The following CTTNBP2NL variants were observed in gnomAD, a reference collection of about 807,000 sequenced individuals.
CTTNBP2NL encodes CTTNBP2 N-terminal like.
CTTNBP2NL carries 16 observed loss-of-function variants against 32.5 expected under a neutral mutation model. The observed-to-expected ratio is 0.49, with a 90% CI of 0.33 to 0.75. CTTNBP2NL has a LOEUF of 0.75. CTTNBP2NL is among the 30% of genes least tolerant of loss of function. The pLI is 0.02. For missense variants in CTTNBP2NL, 645 were observed against 756.0 expected (o/e 0.85, Z 1.72); for synonymous variants, 298 against 289.4 (o/e 1.03, Z -0.30).
intron 1 of CTTNBP2NL, among the ~76,000 whole-genome samples, chr1:112,406,133 G>A (rs888153052): frequency 3.3e-5 from 5 of 151,698 alleles, no homozygotes; most frequent in South Asian, 2.1e-4. Context: ...GCAGTGAGCC[G>A]AGATCGCGCC....
At chr1:112,442,276 C>T (rs2101025101) in intron 3 of CTTNBP2NL, among the ~76,000 whole-genome samples, 1 of 152,278 alleles carries the variant, frequency 6.6e-6, no homozygotes, top group Non-Finnish European at 1.5e-5. Context: ...GCATGTGCCG[C>T]CATGCCTGGC....
chr1:112,441,730 A>C (rs1649896267), intron 3 of CTTNBP2NL, among the ~76,000 whole-genome samples: 2 of 152,176 alleles, frequency 1.3e-5, no homozygotes, highest in South Asian at 4.1e-4. Context: ...CTGTCATATT[A>C]GCCATTCTAG....
chr1:112,406,656 T>G (rs1226260228), intron 1 of CTTNBP2NL, among the ~76,000 whole-genome samples: 2 of 152,246 alleles, frequency 1.3e-5, no homozygotes, highest in African/African-American at 4.8e-5. Flanking sequence ...TTTAGCTCAA[T>G]AAATGTTTAT....
chr1:112,452,335 CTTTTT>C (rs1157736195), intron 4 of CTTNBP2NL, among the ~76,000 whole-genome samples: 120 of 65,716 alleles, frequency 1.8e-3, no homozygotes, highest in Non-Finnish European at 1.9e-3. Context: ...CCAGTCTCTT[CTTTTT>C]TTTTTTTTTT....
At chr1:112,435,306 C>G (rs776992934) in intron 3 of CTTNBP2NL, among the ~76,000 whole-genome samples, 4 of 151,730 alleles carry the variant, frequency 2.6e-5, no homozygotes, top group Admixed American at 2.0e-4. Context: ...GATTTGTTTA[C>G]TTTCTTTATG....
At chr1:112,405,226 A>G (rs1424945733) in intron 1 of CTTNBP2NL, among the ~76,000 whole-genome samples, 3 of 152,196 alleles carry the variant, frequency 2.0e-5, no homozygotes, top group Admixed American at 2.0e-4. Context: ...AGCTTAACTA[A>G]TGTAGTTCTA....
At chr1:112,453,493 T>G (rs1047546361) in intron 4 of CTTNBP2NL, among the ~76,000 whole-genome samples, 3 of 152,132 alleles carry the variant, frequency 2.0e-5, no homozygotes, top group Non-Finnish European at 2.9e-5. Context: ...GGCTCACACC[T>G]GTAATCCCAG....
At chr1:112,423,315 T>C (rs1649283938) in intron 3 of CTTNBP2NL, among the ~76,000 whole-genome samples, 1 of 152,166 alleles carries the variant, frequency 6.6e-6, no homozygotes, top group South Asian at 2.1e-4. Context: ...TTATAGTTAA[T>C]AATAATGTAT....
In CTTNBP2NL at chr1:112,447,496, G is replaced by C. The variant is rs6671156; in HGVS notation, c.100-1446G>C. On this transcript the variant is annotated intron_variant, in intron 3 of 5. Transcript: ENST00000271277. ...AAGTAAGATGGCTGCAGTCAAGCCAGAAGTAAAACCCAGAATTTCTAACTG... is the reference window on the plus strand; with the variant it reads ...AAGTAAGATGGCTGCAGTCAAGCCACAAGTAAAACCCAGAATTTCTAACTG... Among the ~76,000 whole-genome samples the C allele has an allele frequency of 1.1e-4, 16 of 152,196 alleles. No individual in the cohort carries two copies. In the East Asian group the frequency reaches 2.9e-3, roughly 28 times the overall value.
intron 4 of CTTNBP2NL, among the ~76,000 whole-genome samples, chr1:112,451,482 G>T (rs1435609627): frequency 6.6e-6 from 1 of 150,710 alleles, no homozygotes; most frequent in Non-Finnish European, 1.5e-5. Context: ...GAAAATACAG[G>T]CTTTGAAGGC....
At chr1:112,399,843 C>T (rs1193118295) in intron 1 of CTTNBP2NL, among the ~76,000 whole-genome samples, 2 of 151,978 alleles carry the variant, frequency 1.3e-5, no homozygotes, top group African/African-American at 4.8e-5. Flanking sequence ...TTGAGGCAGG[C>T]AGATCACCTG....
At position 112,456,271 on chromosome 1, in the gene CTTNBP2NL, C is replaced by G; in HGVS notation, c.779C>G (p.Thr260Ser). ...RAKLNREENR[T>S]KTLKEEMESL... ...AAACTGAACCGAGAAGAGAACCGGACCAAAACCCTGAAAGAAGAAATGGAA... is the reference window on the plus strand; with the variant it reads ...AAACTGAACCGAGAAGAGAACCGGAGCAAAACCCTGAAAGAAGAAATGGAA... The change falls in exon 6 of 6, where the codon ACC becomes AGC. Residue 260 changes from threonine to serine, a missense_variant. Coordinates refer to ENST00000271277, the MANE Select transcript of CTTNBP2NL (RefSeq NM_018704.3). 6.2e-7 allele frequency: 1 copy of G among 1,613,922 alleles called. No individual in the cohort carries two copies. The highest frequency in any genetic ancestry group is 1.1e-5 in the South Asian group (1 of 91,054).
At position 112,456,514 on chromosome 1, in the gene CTTNBP2NL, C is replaced by G; in HGVS notation, c.1022C>G (p.Pro341Arg). The G allele has an allele frequency of 6.2e-7, 1 of 1,614,196 alleles. No individual in the cohort carries two copies. The highest frequency in any genetic ancestry group is 1.3e-5 in the African/African-American group (1 of 75,048). The part of the protein sequence containing the change: ...TNTGLPGPAT[P>R]AYSYAKTNGH... Reference sequence around the variant, plus strand: ...ACTGGGCTGCCTGGTCCTGCCACTCCTGCTTACTCATATGCAAAAACCAAT... The same window carrying G: ...ACTGGGCTGCCTGGTCCTGCCACTCGTGCTTACTCATATGCAAAAACCAAT... The change falls in exon 6 of 6, where the codon CCT (proline) becomes CGT (arginine). Residue 341 changes from proline to arginine, a missense_variant. Physicochemically the swap from Pro to Arg is moderately radical, Grantham distance 103. Transcript: ENST00000271277.
At chr1:112,398,270 G>A (rs963892003) in intron 1 of CTTNBP2NL, among the ~76,000 whole-genome samples, 5 of 152,026 alleles carry the variant, frequency 3.3e-5, no homozygotes, top group Non-Finnish European at 7.4e-5. Context: ...TACACTTTTG[G>A]GTCTTGAAAA....
chr1:112,415,506 T>C (rs1649026408), intron 2 of CTTNBP2NL, among the ~76,000 whole-genome samples: 1 of 152,068 alleles, frequency 6.6e-6, no homozygotes, highest in African/African-American at 2.4e-5. Flanking sequence ...TGGTATTCAT[T>C]ATAACACAAT....
rs1389822783 is a variant in CTTNBP2NL, at chr1:112,451,780, A to AG, written c.330+2608_330+2609insG. On this transcript the variant is annotated intron_variant, in intron 4 of 5. Coordinates refer to ENST00000271277, the MANE Select transcript of CTTNBP2NL (RefSeq NM_018704.3). ...GCAAGACTGTCTCAAAAAAAAAAAA[A>AG]AAAACACAAAACAAACAAACAAAAA... 3.9e-5 allele frequency among the ~76,000 whole-genome samples: 5 copies of AG among 127,580 alleles called. No individual in the cohort carries two copies. In the East Asian group the frequency reaches 6.6e-4, roughly 17 times the overall value. The allele number at this position is 127,580 out of a possible 152,430, so 83.7% of individuals were successfully genotyped here.
intron 3 of CTTNBP2NL, among the ~76,000 whole-genome samples, chr1:112,443,214 G>A (rs72699015): frequency 0.061 from 9,314 of 152,108 alleles, 302 homozygotes; most frequent in Non-Finnish European, 0.08. Context: ...CTATTTCACA[G>A]TTAGTTAAAA....
chr1:112,391,534 A>C (rs1049236955), upstream of CTTNBP2NL, among the ~76,000 whole-genome samples: 12 of 152,158 alleles, frequency 7.9e-5, no homozygotes, highest in Admixed American at 7.9e-4. Context: ...TTCCATGTAC[A>C]TCAGATCGCT....
intron 3 of CTTNBP2NL, among the ~76,000 whole-genome samples, chr1:112,433,680 C>G (rs1649641114): frequency 6.6e-6 from 1 of 152,216 alleles, no homozygotes; most frequent in Admixed American, 6.5e-5. Context: ...AGCAACTATT[C>G]TTAATACATT....
Sources: allele counts gnomAD v4.1 joint callset (sites outside exome capture counted in the v4.1 genomes callset), GRCh38; gene constraint gnomAD v4.1.1; transcripts MANE v1.5; gene names NCBI Gene and HGNC (gene_info 2026-07-23, HGNC 2026-07-21).